Variants in GTF2H2 observed in about 807,000 individuals in gnomAD.
The protein encoded by GTF2H2 is general transcription factor IIH subunit 2.
In GTF2H2, 2 loss-of-function variants were observed where a neutral mutation model predicts 16.5. The observed-to-expected ratio is 0.12, with a 90% confidence interval of 0.05 to 0.38. The LOEUF (loss-of-function observed/expected upper bound fraction) is 0.38, where lower values mean the gene tolerates loss of function less well. GTF2H2 is among the 10% of genes least tolerant of loss of function. GTF2H2 has a pLI of 0.99. For synonymous variants in GTF2H2, 8 were observed against 44.1 expected, an observed-to-expected ratio of 0.18 and a Z score of 3.24; for missense variants, 20 against 137.0, an observed-to-expected ratio of 0.15 and a Z score of 4.26.
chr5:71,054,850 T>C (rs1232827579), intron 8 of GTF2H2, among the ~76,000 whole-genome samples: 2 of 137,000 alleles, frequency 1.5e-5, no homozygotes, highest in African/African-American at 2.8e-5. Context: ...ATATATAATA[T>C]GTATATAAAG....
Position 71,046,037 on chromosome 5 carries a change from G to A in GTF2H2, c.758-530C>T, listed in dbSNP as rs1385063489. Among the ~76,000 whole-genome samples, 2 of 143,220 alleles carry A rather than the reference G, an allele frequency of 1.4e-5. 1 individual carries two copies. The highest frequency in any genetic ancestry group is 3.0e-5 in the Non-Finnish European group (2 of 66,478). 94.0% of individuals were successfully genotyped at this position (143,220 alleles called of 152,430 possible). A position where few individuals can be genotyped will look rare whatever the true frequency, so the allele number is the denominator to read the frequency against. On this transcript the variant is annotated intron_variant, in intron 11 of 15. Coordinates refer to ENST00000274400, the Ensembl canonical transcript of GTF2H2. The stretch of plus-strand genomic sequence containing the variant: ...ATTTTATCTACGTTTATGCTTTTAT[G>A]TTTAAAATTTTGAAATGCTCAAATC...
Position 71,054,735 on chromosome 5 carries a change from GTGTGTGTGTGTGTGTGTA to G in GTF2H2, c.470+599_470+616del, listed in dbSNP as rs979657230. On this transcript the variant is annotated intron_variant, in intron 8 of 15. Transcript: ENST00000274400. Reference sequence around the variant, plus strand: ...TACGTGTGTGTGTGTGTGTGTGTGTGTGTGTGTGTGTGTGTGTATATATATAATAGATATATAAGCTTT... The same window carrying G: ...TACGTGTGTGTGTGTGTGTGTGTGTGTATATATAATAGATATATAAGCTTT... Among the ~76,000 whole-genome samples the G allele has an allele frequency of 3.7e-5, 5 of 135,426 alleles. 1 individual carries two copies. Among genetic ancestry groups the G allele is most frequent in the East Asian group, 2.0e-4 (1 of 4,948 alleles). The allele number at this position is 135,426 out of a possible 152,430, so 88.8% of individuals were successfully genotyped here.
In GTF2H2 at chr5:71,037,779, C is replaced by G. The variant is rs1419266484; in HGVS notation, c.1029-233G>C. 1.0e-4 allele frequency among the ~76,000 whole-genome samples: 7 copies of G among 70,110 alleles called. 3 individuals carry two copies. The highest frequency in any genetic ancestry group is 6.8e-4 in the Admixed American group (4 of 5,884). The allele number at this position is 70,110 out of a possible 152,430, so 46.0% of individuals were successfully genotyped here. Reference sequence around the variant, plus strand: ...CTCAGGTCAGGAGTTCGTGACCAGCCTGGCCAACATGGCGAAACCCCATCT... The same window carrying G: ...CTCAGGTCAGGAGTTCGTGACCAGCGTGGCCAACATGGCGAAACCCCATCT... On this transcript the variant is annotated intron_variant, in intron 14 of 15. Coordinates refer to ENST00000274400, the Ensembl canonical transcript of GTF2H2.
At chr5:71,038,561 A>G (rs1467216227) in intron 14 of GTF2H2, among the ~76,000 whole-genome samples, 1 of 66,368 alleles carries the variant, frequency 1.5e-5, no homozygotes, top group Non-Finnish European at 3.0e-5. Flanking sequence ...TGTCATTCTC[A>G]ATTCTTTCTA....
chr5:71,054,565 C>T (rs1417440893), intron 8 of GTF2H2, among the ~76,000 whole-genome samples: 1 of 143,024 alleles, frequency 7.0e-6, no homozygotes, highest in East Asian at 2.0e-4. Flanking sequence ...CATGGTGGCA[C>T]ACACCTGTAA....
At chr5:71,046,595 CT>C (rs1298168431) in intron 11 of GTF2H2, among the ~76,000 whole-genome samples, 6 of 136,648 alleles carry the variant, frequency 4.4e-5, no homozygotes. Context: ...AAAAGTTATA[CT>C]TTTTTCAATA....
rs1753146951 is a variant in GTF2H2 at position 71,055,437 on chromosome 5, TTA to T, written c.383_384del (p.Ile128AsnfsTer19). Reference sequence around the variant, plus strand: ...ATATCCACAGCTTTCTTCAAAGACGTTATATGTTTTCTTGGGTTTCCTAAAAT... The same window carrying T: ...ATATCCACAGCTTTCTTCAAAGACGTTATGTTTTCTTGGGTTTCCTAAAAT... On this transcript the variant is annotated frameshift_variant, in exon 8 of 16. Transcript: ENST00000274400. LOFTEE classifies it high-confidence loss of function. 6.4e-7 allele frequency: 1 copy of T among 1,558,424 alleles called. No individual in the cohort carries two copies. The highest frequency in any genetic ancestry group is 1.2e-5 in the South Asian group (1 of 86,474).
At chr5:71,054,892 A>C (rs1331110196) in intron 8 of GTF2H2, 1 of 138,860 alleles carries the variant, frequency 7.2e-6, no homozygotes, top group Non-Finnish European at 1.5e-5. Flanking sequence ...TAACTATACC[A>C]AGTATTTCCT....
intron 8 of GTF2H2, among the ~76,000 whole-genome samples, chr5:71,051,360 ATCT>A (rs1312434185): frequency 1.2e-5 from 1 of 81,372 alleles, no homozygotes; most frequent in Non-Finnish European, 2.5e-5. Context: ...AATAACATTA[ATCT>A]TCTTGTACAT....
rs773787895 is a variant in GTF2H2 at position 71,061,353 on chromosome 5, C to G, written c.135-45G>C. 20 of 1,369,514 alleles carry G rather than the reference C, an allele frequency of 1.5e-5. 1 individual carries two copies. Among genetic ancestry groups the G allele is most frequent in the Non-Finnish European group, 2.0e-5 (20 of 987,472 alleles). 84.8% of individuals were successfully genotyped at this position (1,369,514 alleles called of 1,614,324 possible). The stretch of plus-strand genomic sequence containing the variant: ...ATTTTAATGTAATTCCATATACTAT[C>G]CCCCCCCACAAAAAAAATACAACTT... On this transcript the variant is annotated intron_variant, in intron 3 of 15. Coordinates refer to ENST00000274400, the Ensembl canonical transcript of GTF2H2.
At position 71,038,178 on chromosome 5, in the gene GTF2H2, C is replaced by T. The variant is rs533031879; in HGVS notation, c.1029-632G>A. On this transcript the variant is annotated intron_variant, in intron 14 of 15. Coordinates refer to ENST00000274400, the Ensembl canonical transcript of GTF2H2. ...GCTGAGGTGCTATCACGGCTCACTGCAGCCTCAACCTCCTGGGCTCAAGTG... is the reference window on the plus strand; with the variant it reads ...GCTGAGGTGCTATCACGGCTCACTGTAGCCTCAACCTCCTGGGCTCAAGTG... 1.2e-4 allele frequency among the ~76,000 whole-genome samples: 10 copies of T among 82,006 alleles called. 4 individuals are homozygous for T. Among genetic ancestry groups the T allele is most frequent in the African/African-American group, 4.3e-4 (10 of 23,436 alleles). 53.8% of individuals were successfully genotyped at this position (82,006 alleles called of 152,430 possible).
At chr5:71,052,915 ATTTTTTTTTTTTTTTTT>A (rs1241503525) in intron 8 of GTF2H2, among the ~76,000 whole-genome samples, 11 of 44,042 alleles carry the variant, frequency 2.5e-4, no homozygotes, top group Middle Eastern at 0.019. Context: ...TGCCTGGCTA[ATTTTTTTTTTTTTTTTT>A]TTTTTTTTTT....
chr5:71,055,495 T>C, intron 7 of GTF2H2, 38 bp from the exon 8 acceptor site: 2 of 1,383,982 alleles, frequency 1.4e-6, no homozygotes, highest in Non-Finnish European at 1.9e-6. Flanking sequence ...AAATCCTATA[T>C]ATTAAAAAAG....
At chr5:71,052,915 ATTTTTTTTTTTT>A (rs1241503525) in intron 8 of GTF2H2, among the ~76,000 whole-genome samples, 1 of 44,052 alleles carries the variant, frequency 2.3e-5, no homozygotes, top group Non-Finnish European at 3.7e-5. Context: ...TGCCTGGCTA[ATTTTTTTTTTTT>A]TTTTTTTTTT....
chr5:71,054,814 TTA>T (rs1170356408), intron 8 of GTF2H2, among the ~76,000 whole-genome samples: 13 of 134,236 alleles, frequency 9.7e-5, no homozygotes, highest in East Asian at 4.1e-4. Context: ...TATATAAGCT[TTA>T]TATATATATG....
chr5:71,057,259 A>C, intron 7 of GTF2H2, among the ~76,000 whole-genome samples: 1 of 106,180 alleles, frequency 9.4e-6, no homozygotes, highest in Non-Finnish European at 2.0e-5. Context: ...ATATTGAACT[A>C]ATTTGTAAGA....
intron 14 of GTF2H2, among the ~76,000 whole-genome samples, chr5:71,039,522 G>A (rs1190924327): frequency 7.3e-6 from 1 of 137,894 alleles, no homozygotes; most frequent in African/African-American, 2.8e-5. Context: ...AAATTTCTTT[G>A]AACTATGTCT....
rs1256161927 is a variant in GTF2H2 at position 71,055,857 on chromosome 5, ATGT to A, written c.365-403_365-401del. Among the ~76,000 whole-genome samples, 68 of 38,524 alleles carry A rather than the reference ATGT, an allele frequency of 1.8e-3. 2 individuals carry two copies. In the East Asian group the frequency reaches 0.038, roughly 21 times the overall value. The allele number at this position is 38,524 out of a possible 152,430, so 25.3% of individuals were successfully genotyped here. A position where few individuals can be genotyped will look rare whatever the true frequency, so the allele number is the denominator to read the frequency against. ...TGTGAACCTACAAATAGGTCTTCAT[ATGT>A]TGTTGCTTCAATTGCATTATGTACA... On this transcript the variant is annotated intron_variant, in intron 7 of 15. Coordinates refer to ENST00000274400, the Ensembl canonical transcript of GTF2H2.
In GTF2H2 at chr5:71,055,270, T is replaced by G; in HGVS notation, c.470+82A>C. 12 of 1,359,356 alleles carry G rather than the reference T, an allele frequency of 8.8e-6. 1 individual carries two copies. In the South Asian group the frequency reaches 1.2e-4, roughly 14 times the overall value. The allele number at this position is 1,359,356 out of a possible 1,614,324, so 84.2% of individuals were successfully genotyped here. A position where few individuals can be genotyped will look rare whatever the true frequency, so the allele number is the denominator to read the frequency against. ...AACAATTTTGTTATAGCTGGGTTTA[T>G]GGGCCCCATATTAACACATCACTTC... On this transcript the variant is annotated intron_variant, in intron 8 of 15. Transcript: ENST00000274400.
Sources: allele counts gnomAD v4.1 joint callset (sites outside exome capture counted in the v4.1 genomes callset), GRCh38; gene constraint gnomAD v4.1.1; transcripts MANE v1.5; gene names NCBI Gene and HGNC (gene_info 2026-07-23, HGNC 2026-07-21).